ADHFE1: variants seen among roughly 807,000 people sequenced by gnomAD.
ADHFE1 encodes the protein alcohol dehydrogenase iron containing 1.
In ADHFE1, 37 loss-of-function variants were observed where a neutral mutation model predicts 54.8. That is an observed-to-expected ratio of 0.68 (90% CI 0.52 to 0.89). The LOEUF is 0.89. Ranked by LOEUF, ADHFE1 falls within the 40% of genes least tolerant of loss-of-function variation. ADHFE1 has a pLI of 0.00. For synonymous variants in ADHFE1, 203 were observed against 229.3 expected (o/e 0.89, Z 1.04); for missense variants, 601 against 591.2 (o/e 1.02, Z -0.17).
chr8:66,441,660 A>G (rs949415078), intron 2 of ADHFE1, among the ~76,000 whole-genome samples: 23 of 152,208 alleles, frequency 1.5e-4, no homozygotes, highest in African/African-American at 5.1e-4. Context: ...CATTTTTACC[A>G]TAATTAAAAC....
In ADHFE1 at chr8:66,448,953, T is replaced by A; in HGVS notation, c.717T>A (p.Ser239Arg). The A allele has an allele frequency of 6.2e-7, 1 of 1,614,120 alleles. No individual in the cohort carries two copies. The highest frequency in any genetic ancestry group is 8.5e-7 in the Non-Finnish European group (1 of 1,180,006). Residue 239 changes from serine (S) to arginine (R), a missense_variant, in exon 8 of 14, where the codon AGT (serine) becomes AGA (arginine). Ser to Arg is a moderately radical substitution (Grantham distance 110). Coordinates refer to ENST00000396623, the MANE Select transcript of ADHFE1 (RefSeq NM_144650.3). Reference protein sequence around the residue: ...LHMPARVVANSGFDVLCHALE... With the variant: ...LHMPARVVANRGFDVLCHALE... ...TGCCTGCCCGAGTGGTCGCCAACAG[T>A]GGCTTTGATGTGCTTTGGTAAGTGC...
rs148191690 is a variant in ADHFE1 at position 66,460,439 on chromosome 8, G to A, written c.1294G>A (p.Ala432Thr). 81 of 1,598,006 alleles carry A rather than the reference G, an allele frequency of 5.1e-5. No homozygotes were observed. The African/African-American group carries it at 7.8e-4, about 15-fold the overall frequency. ...AVGYSKADIP[A>T]LVKGTLPQER... ...TGGTTACTCCAAAGCTGATATCCCC[G>A]CACTAGTGAAAGGAACGCTGCCCCA... The change falls in exon 13 of 14, where the codon GCA becomes ACA. Residue 432 changes from alanine to threonine, a missense_variant. Transcript: ENST00000396623.
At position 66,447,476 on chromosome 8, in the gene ADHFE1, G is replaced by T. The variant is rs543492645; in HGVS notation, c.628+135G>T. ...ATATTCTATAGAAGAGCAAGGTGAC[G>T]AAAGTCAGCAACAAAGTATTGTATA... On this transcript the variant is annotated intron_variant, in intron 7 of 13. Transcript: ENST00000396623. 14 of 709,940 alleles carry T rather than the reference G, an allele frequency of 2.0e-5. No homozygotes were observed. In the Admixed American group the frequency reaches 3.0e-4, roughly 15 times the overall value. 44.0% of individuals were successfully genotyped at this position (709,940 alleles called of 1,614,324 possible). A position where few individuals can be genotyped will look rare whatever the true frequency, so the allele number is the denominator to read the frequency against.
chr8:66,465,691 C>A (rs1807135692), intron 13 of ADHFE1, among the ~76,000 whole-genome samples: 1 of 152,036 alleles, frequency 6.6e-6, no homozygotes, highest in Non-Finnish European at 1.5e-5. Context: ...CCTCCGCCTC[C>A]TGGGTTCAAG....
In ADHFE1 at chr8:66,468,503, A is replaced by G. The variant is rs1037300301; in HGVS notation, c.*151A>G. 1.1e-5 allele frequency: 6 copies of G among 541,710 alleles called. No homozygotes were observed. The highest frequency in any genetic ancestry group is 1.5e-5 in the Non-Finnish European group (5 of 328,326). 33.6% of individuals were successfully genotyped at this position (541,710 alleles called of 1,614,324 possible). A position where few individuals can be genotyped will look rare whatever the true frequency, so the allele number is the denominator to read the frequency against. ...ACATTTATCTTGCAGGAAATTCCCC[A>G]AAGCTCAGAGTCCAGTTCCTTCCAT... On this transcript the variant is annotated 3_prime_UTR_variant, in exon 14 of 14. Transcript: ENST00000396623.
At chr8:66,445,593 A>G (rs1805985222) in intron 6 of ADHFE1, among the ~76,000 whole-genome samples, 179 bp downstream of exon 6, 1 of 152,182 alleles carries the variant, frequency 6.6e-6, no homozygotes. Context: ...TCATTATTGT[A>G]TAGATAAAGA....
chr8:66,445,088 G>A (rs569169939), intron 5 of ADHFE1, 130 bp from the exon 6 acceptor site: 2 of 887,984 alleles, frequency 2.3e-6, no homozygotes, highest in Admixed American at 3.0e-5. Context: ...GCAACAGAAT[G>A]AGACTCCGTC....
chr8:66,457,713 CA>C (rs1185065096), intron 12 of ADHFE1, among the ~76,000 whole-genome samples: 3 of 152,022 alleles, frequency 2.0e-5, no homozygotes, highest in African/African-American at 7.2e-5. Context: ...GTGACTTGAC[CA>C]AAGCCCTATC....
intron 1 of ADHFE1, among the ~76,000 whole-genome samples, chr8:66,433,499 C>G (rs1805308715): frequency 2.0e-5 from 3 of 152,160 alleles, no homozygotes; most frequent in Admixed American, 2.0e-4. Flanking sequence ...TTCACTGACC[C>G]TATGACACAC....
At chr8:66,436,072 C>T (rs1805451406) in intron 1 of ADHFE1, among the ~76,000 whole-genome samples, 2 of 151,804 alleles carry the variant, frequency 1.3e-5, no homozygotes, top group African/African-American at 4.8e-5. Context: ...CACACCACCA[C>T]ACCTGGCTAA....
chr8:66,454,997 A>G (rs979988437), intron 10 of ADHFE1, among the ~76,000 whole-genome samples: 2 of 152,194 alleles, frequency 1.3e-5, no homozygotes, highest in Non-Finnish European at 2.9e-5. Flanking sequence ...AATTACAGGC[A>G]TGAGCCACCA....
Position 66,452,953 on chromosome 8 carries a change from G to C in ADHFE1, c.887+848G>C, listed in dbSNP as rs140274364. Among the ~76,000 whole-genome samples, 302 of 152,366 alleles carry C rather than the reference G, an allele frequency of 2.0e-3. 1 individual carries two copies. Among genetic ancestry groups the C allele is most frequent in the Non-Finnish European group, 3.7e-3 (249 of 68,040 alleles). ...GGCTAGGCCTAGACGTGAGCACGGT[G>C]CTTCCTCTGGCCTTGAGCTAGAAGC... On this transcript the variant is annotated intron_variant, in intron 9 of 13. Coordinates refer to ENST00000396623, the MANE Select transcript of ADHFE1 (RefSeq NM_144650.3).
At position 66,434,682 on chromosome 8, in the gene ADHFE1, C is replaced by A. The variant is rs931528949; in HGVS notation, c.59+2107C>A. ...CAGAGCATGCACTCTGGGCTTCTGC[C>A]CAACACATTCCATAGAGCAACTGCG... On this transcript the variant is annotated intron_variant, in intron 1 of 13. Coordinates refer to ENST00000396623, the MANE Select transcript of ADHFE1 (RefSeq NM_144650.3). 2.6e-5 allele frequency among the ~76,000 whole-genome samples: 4 copies of A among 152,174 alleles called. No homozygotes were observed. The South Asian group carries it at 8.3e-4, about 32-fold the overall frequency.
intron 13 of ADHFE1, 62 bp from the exon 14 acceptor site, chr8:66,468,207 T>A: frequency 7.7e-7 from 1 of 1,293,716 alleles, no homozygotes; most frequent in Non-Finnish European, 1.1e-6. Flanking sequence ...TTCCATAACT[T>A]TGTAGCTTTT....
At position 66,460,481 on chromosome 8, in the gene ADHFE1, G is replaced by A; in HGVS notation, c.1320+16G>A. 1.3e-6 allele frequency: 2 copies of A among 1,561,534 alleles called. No individual in the cohort carries two copies. The highest frequency in any genetic ancestry group is 2.3e-5 in the East Asian group (1 of 43,694). On this transcript the variant is annotated intron_variant, in intron 13 of 13. Coordinates refer to ENST00000396623, the MANE Select transcript of ADHFE1 (RefSeq NM_144650.3). Reference sequence around the variant, plus strand: ...GCTGCCCCAGGTAAGAGACCGGCAGGCTCCTCACTCCCTGCGAAGGAGCCT... The same window carrying A: ...GCTGCCCCAGGTAAGAGACCGGCAGACTCCTCACTCCCTGCGAAGGAGCCT...
intron 3 of ADHFE1, among the ~76,000 whole-genome samples, chr8:66,443,819 C>G (rs1422000554): frequency 6.7e-6 from 1 of 148,878 alleles, no homozygotes; most frequent in Non-Finnish European, 1.5e-5. Context: ...CATTATTAGT[C>G]AATTCAAAAA....
At chr8:66,455,974 A>G (rs973037146) in intron 10 of ADHFE1, among the ~76,000 whole-genome samples, 1 of 152,016 alleles carries the variant, frequency 6.6e-6, no homozygotes, top group African/African-American at 2.4e-5. Context: ...AAAAAACTAT[A>G]ATATTTTCCT....
At chr8:66,455,405 G>A (rs1806528153) in intron 10 of ADHFE1, among the ~76,000 whole-genome samples, 1 of 152,170 alleles carries the variant, frequency 6.6e-6, no homozygotes, top group Non-Finnish European at 1.5e-5. Context: ...AACTTTATTG[G>A]TATGTTGCTT....
At chr8:66,460,587 C>A (rs1425401119) in intron 13 of ADHFE1, 122 bp downstream of exon 13, 2 of 1,207,616 alleles carry the variant, frequency 1.7e-6, no homozygotes, top group African/African-American at 1.5e-5. Flanking sequence ...TCTCGGGTCT[C>A]CTCCACAGCA....
Sources: allele counts gnomAD v4.1 joint callset (sites outside exome capture counted in the v4.1 genomes callset), GRCh38; gene constraint gnomAD v4.1.1; transcripts MANE v1.5; gene names NCBI Gene and HGNC (gene_info 2026-07-23, HGNC 2026-07-21).